Variants in SUPT20H observed in about 807,000 individuals in gnomAD.
SUPT20H encodes SPT20 homolog, SAGA complex component.
Under a neutral mutation model 122.8 loss-of-function variants are expected in SUPT20H, and 82 were observed. The ratio of observed to expected loss-of-function variants is 0.67; its 90% CI spans 0.56 to 0.80. The LOEUF is 0.80. Among genes scored for constraint, SUPT20H ranks in the 30% least tolerant of loss-of-function variants. SUPT20H has a pLI of 0.00. For synonymous variants in SUPT20H, 291 were observed against 313.0 expected, an observed-to-expected ratio of 0.93 and a Z score of 0.74; for missense variants, 831 against 921.6, an observed-to-expected ratio of 0.90 and a Z score of 1.27.
chr13:37,058,379 G>T lies in SUPT20H; in HGVS notation c.-94+1180C>A, dbSNP rs74887125. ...AAGATATTACTCCTACCCTTGAAAA[G>T]CTCGTAGGAGGTTTAAGTTGAATTT... On this transcript the variant is annotated intron_variant, in intron 1 of 25. Transcript: ENST00000350612. Among the ~76,000 whole-genome samples, 363 of 152,294 alleles carry T rather than the reference G, an allele frequency of 2.4e-3. 3 individuals carry two copies. The highest frequency in any genetic ancestry group is 8.1e-3 in the African/African-American group (335 of 41,566).
chr13:37,016,734 C>G (rs2060575020), intron 23 of SUPT20H, among the ~76,000 whole-genome samples: 1 of 152,130 alleles, frequency 6.6e-6, no homozygotes, highest in Admixed American at 6.5e-5. Context: ...CCAGATGACT[C>G]CAGTGTACCC....
intron 5 of SUPT20H, among the ~76,000 whole-genome samples, chr13:37,046,223 A>T (rs973012262): frequency 2.6e-5 from 4 of 152,172 alleles, no homozygotes; most frequent in Non-Finnish European, 4.4e-5. Context: ...AACATTTTTT[A>T]AAAAGGCAAA....
In SUPT20H at chr13:37,040,369, T is replaced by A. The variant is rs1482582950; in HGVS notation, c.567+36A>T. Reference sequence around the variant, plus strand: ...ATGATAATTTTTTTTCATCCTATATTTTGCCTGTTTGAGATTAAAAAACAA... The same window carrying A: ...ATGATAATTTTTTTTCATCCTATATATTGCCTGTTTGAGATTAAAAAACAA... On this transcript the variant is annotated intron_variant, in intron 9 of 25. Transcript: ENST00000350612. 3 of 1,530,888 alleles carry A rather than the reference T, an allele frequency of 2.0e-6. No individual in the cohort carries two copies. In the East Asian group the frequency reaches 6.9e-5, roughly 35 times the overall value. The allele number at this position is 1,530,888 out of a possible 1,614,324, so 94.8% of individuals were successfully genotyped here.
intron 9 of SUPT20H, chr13:37,038,923 G>A (rs1200021210): frequency 6.6e-6 from 1 of 152,220 alleles, no homozygotes; most frequent in African/African-American, 2.4e-5. Context: ...GGTGAAGCTT[G>A]AGTGGAAGAA....
chr13:37,057,403 T>C (rs112854976), intron 1 of SUPT20H, among the ~76,000 whole-genome samples: 506 of 152,138 alleles, frequency 3.3e-3, no homozygotes, highest in Middle Eastern at 6.8e-3. Flanking sequence ...TAACCACTAC[T>C]GGGTGTCTAC....
At chr13:37,018,114 A>T (rs960144923) in intron 22 of SUPT20H, among the ~76,000 whole-genome samples, 2 of 152,054 alleles carry the variant, frequency 1.3e-5, no homozygotes, top group Admixed American at 1.3e-4. Context: ...TATAGTCAAA[A>T]AAATAATAAT....
intron 6 of SUPT20H, among the ~76,000 whole-genome samples, chr13:37,044,756 T>C (rs1378249341): frequency 1.3e-5 from 2 of 152,186 alleles, no homozygotes; most frequent in Non-Finnish European, 2.9e-5. Context: ...TCAGTATTAA[T>C]AGAAATATTT....
At chr13:37,013,918 A>ATTT (rs2060004100) in intron 23 of SUPT20H, 1 of 152,042 alleles carries the variant, frequency 6.6e-6, no homozygotes, top group South Asian at 2.1e-4. Flanking sequence ...ACAAACAAAA[A>ATTT]AACTCAAAAT....
chr13:37,058,020 G>A (rs1047154071), intron 1 of SUPT20H, among the ~76,000 whole-genome samples: 1 of 149,222 alleles, frequency 6.7e-6, no homozygotes, highest in Admixed American at 6.7e-5. Context: ...GCTCAGGCCT[G>A]TAAGAGGCAG....
rs2061623324 is a variant in SUPT20H at position 37,022,937 on chromosome 13, T to G, written c.1592-857A>C. 1 of 1,182,974 alleles carries G rather than the reference T, an allele frequency of 8.5e-7. No homozygotes were observed. Among genetic ancestry groups the G allele is most frequent in the African/African-American group, 1.6e-5 (1 of 62,718 alleles). 73.3% of individuals were successfully genotyped at this position (1,182,974 alleles called of 1,614,324 possible). ...GAATGTATAGAAAATCTGTTGTGAA[T>G]GAAGTATGCACAGTTTATCAATTTT... On this transcript the variant is annotated intron_variant, in intron 19 of 25. Transcript: ENST00000350612. This position sits in a 1 kb window ranked among gnomAD's most constrained non-coding sequence, Gnocchi z 4.5.
chr13:37,052,435 A>G (rs564911665), intron 1 of SUPT20H, among the ~76,000 whole-genome samples: 22 of 152,316 alleles, frequency 1.4e-4, no homozygotes, highest in African/African-American at 5.3e-4. Flanking sequence ...AGGATTCCCT[A>G]TCTAATAAAT....
chr13:37,056,678 A>C (rs2069124435), intron 1 of SUPT20H, among the ~76,000 whole-genome samples: 1 of 152,070 alleles, frequency 6.6e-6, no homozygotes, highest in African/African-American at 2.4e-5. Context: ...TGACAAGTTA[A>C]TGGGTGCAGC....
At chr13:37,036,201 A>C (rs2064355126) in intron 9 of SUPT20H, among the ~76,000 whole-genome samples, 2 of 152,188 alleles carry the variant, frequency 1.3e-5, no homozygotes, top group African/African-American at 4.8e-5. Context: ...TTAGCAATAA[A>C]GTATTTTTGA....
In SUPT20H at chr13:37,028,087, T is replaced by C. The variant is rs1263153325; in HGVS notation, c.1151+61A>G. 4 of 1,433,762 alleles carry C rather than the reference T, an allele frequency of 2.8e-6. No individual in the cohort carries two copies. In the East Asian group the frequency reaches 7.2e-5, roughly 26 times the overall value. The allele number at this position is 1,433,762 out of a possible 1,614,324, so 88.8% of individuals were successfully genotyped here. A position where few individuals can be genotyped will look rare whatever the true frequency, so the allele number is the denominator to read the frequency against. ...TCATTAATGGTTCATCAGTAGTTAC[T>C]AGATAAATTCTTGGTGCCTTATTTT... On this transcript the variant is annotated intron_variant, in intron 14 of 25. Coordinates refer to ENST00000350612, the MANE Select transcript of SUPT20H (RefSeq NM_001014286.3).
chr13:37,012,231 G>C lies in SUPT20H; in HGVS notation c.2059C>G (p.Leu687Val), dbSNP rs1198572619. 6.2e-7 allele frequency: 1 copy of C among 1,613,230 alleles called. No individual in the cohort carries two copies. The highest frequency in any genetic ancestry group is 1.7e-5 in the Admixed American group (1 of 59,972). Residue 687 changes from leucine to valine, a missense_variant, in exon 24 of 26, where the codon CTT becomes GTT. Leu to Val is a conservative substitution (Grantham distance 32). Coordinates refer to ENST00000350612, the MANE Select transcript of SUPT20H (RefSeq NM_001014286.3). The part of the protein sequence containing the change: ...LSAQQAAVIN[L>V]TGVGSFMQSQ... ...TGCATAAAACTTCCTACTCCAGTAA[G>C]GTTAATAACAGCAGCTTGCTGAGCA...
At chr13:37,026,101 TA>T in intron 16 of SUPT20H, 102 bp downstream of exon 16, 1 of 903,040 alleles carries the variant, frequency 1.1e-6, no homozygotes, top group Non-Finnish European at 1.7e-6. Context: ...GTTAACAGCA[TA>T]ACCAAAATCA....
chr13:37,033,342 C>T (rs1393476466), intron 10 of SUPT20H, 107 bp downstream of exon 10: 3 of 1,389,062 alleles, frequency 2.2e-6, no homozygotes, highest in Admixed American at 4.3e-5. Context: ...CTCTACCCTT[C>T]CCCACCAAAA....
At chr13:37,047,009 A>G (rs2066600029) in intron 5 of SUPT20H, 1 of 152,216 alleles carries the variant, frequency 6.6e-6, no homozygotes, top group African/African-American at 2.4e-5. Flanking sequence ...CAATAAATCG[A>G]CTTCTGTTAC....
intron 9 of SUPT20H, among the ~76,000 whole-genome samples, chr13:37,033,882 A>G (rs2063858690): frequency 6.6e-6 from 1 of 152,248 alleles, no homozygotes; most frequent in Admixed American, 6.5e-5. Context: ...GGCTATCAGC[A>G]TCATTTTCCC....
Sources: allele counts gnomAD v4.1 joint callset (sites outside exome capture counted in the v4.1 genomes callset), GRCh38; gene constraint gnomAD v4.1.1; non-coding constraint Gnocchi (gnomAD v3.1); transcripts MANE v1.5; gene names NCBI Gene and HGNC (gene_info 2026-07-23, HGNC 2026-07-21).